DOCK2: variants seen among roughly 807,000 people sequenced by gnomAD.
DOCK2 encodes dedicator of cytokinesis 2, also known as dedicator of cytokinesis protein 2.
Under a neutral mutation model 248.9 loss-of-function variants are expected in DOCK2, and 87 were observed. The observed-to-expected ratio is 0.35, with a 90% CI of 0.29 to 0.42. The LOEUF (loss-of-function observed/expected upper bound fraction) is 0.42, where lower values mean the gene tolerates loss of function less well. Ranked by LOEUF, DOCK2 falls within the 10% of genes least tolerant of loss-of-function variation. The pLI is 1.00. For missense variants in DOCK2, 1,747 were observed against 2,300.2 expected (o/e 0.76, Z 4.92); for synonymous variants, 805 against 821.6 (o/e 0.98, Z 0.35).
At chr5:169,840,064 A>G (rs1265933148) in intron 26 of DOCK2, among the ~76,000 whole-genome samples, 1 of 152,182 alleles carries the variant, frequency 6.6e-6, no homozygotes, top group Non-Finnish European at 1.5e-5. Flanking sequence ...GTAATTTTTA[A>G]AGAAAAAAGG....
chr5:169,995,168 A>G (rs982980428), intron 29 of DOCK2, among the ~76,000 whole-genome samples: 2 of 151,742 alleles, frequency 1.3e-5, no homozygotes, highest in Non-Finnish European at 2.9e-5. Context: ...AGCTGGGATT[A>G]CTGGCGTGCA....
intron 27 of DOCK2, among the ~76,000 whole-genome samples, chr5:169,937,452 A>G (rs1776044188): frequency 2.0e-5 from 3 of 152,230 alleles, no homozygotes; most frequent in African/African-American, 4.8e-5. Context: ...GACTGTGAGA[A>G]TTAGGTAAGA....
intron 9 of DOCK2, among the ~76,000 whole-genome samples, chr5:169,691,141 T>A (rs923705412): frequency 6.6e-6 from 1 of 152,168 alleles, no homozygotes; most frequent in East Asian, 1.9e-4. Context: ...TTGTCCTATG[T>A]GACCAGAGCA....
intron 2 of DOCK2, among the ~76,000 whole-genome samples, chr5:169,668,803 CTATT>C (rs1403371945): frequency 6.6e-6 from 1 of 152,190 alleles, no homozygotes; most frequent in Admixed American, 6.5e-5. Flanking sequence ...ATTTTAGACA[CTATT>C]TGCTGCTGTT....
intron 27 of DOCK2, among the ~76,000 whole-genome samples, chr5:169,856,120 A>G (rs1442180925): frequency 6.6e-6 from 1 of 152,146 alleles, no homozygotes; most frequent in African/African-American, 2.4e-5. Context: ...ATCACCTCTC[A>G]CCAGGTCTCT....
chr5:169,893,989 C>A (rs760175898), intron 27 of DOCK2, among the ~76,000 whole-genome samples: 2 of 152,140 alleles, frequency 1.3e-5, no homozygotes, highest in African/African-American at 2.4e-5. Flanking sequence ...AAAGTCTTTC[C>A]ATTCTGAAGG....
intron 27 of DOCK2, among the ~76,000 whole-genome samples, chr5:169,873,102 T>C (rs1018298926): frequency 6.6e-6 from 1 of 152,268 alleles, no homozygotes; most frequent in African/African-American, 2.4e-5. Flanking sequence ...TTTATATTTA[T>C]GGCATGTGTC....
intron 27 of DOCK2, among the ~76,000 whole-genome samples, chr5:169,959,657 AC>A (rs756561301): frequency 2.6e-4 from 39 of 152,212 alleles, no homozygotes; most frequent in Non-Finnish European, 4.4e-4. Flanking sequence ...GGACTAAAGG[AC>A]TTTAGGGAGT....
intron 27 of DOCK2, among the ~76,000 whole-genome samples, chr5:169,979,573 C>T (rs1365582690): frequency 6.6e-6 from 1 of 152,136 alleles, no homozygotes; most frequent in African/African-American, 2.4e-5. Flanking sequence ...TCATTCACAT[C>T]GGTGTGATTT....
intron 8 of DOCK2, among the ~76,000 whole-genome samples, chr5:169,684,981 G>A (rs1581030903): frequency 1.3e-5 from 2 of 152,206 alleles, no homozygotes; most frequent in African/African-American, 4.8e-5. Flanking sequence ...GCTAAGAAAT[G>A]AATGCTCCAA....
chr5:169,641,792 G>T (rs1243817451), intron 1 of DOCK2, among the ~76,000 whole-genome samples: 3 of 152,112 alleles, frequency 2.0e-5, no homozygotes, highest in Non-Finnish European at 4.4e-5. Flanking sequence ...CACAGTGGTG[G>T]CCCCAGCATG....
chr5:169,707,121 A>G (rs933485984), intron 14 of DOCK2, among the ~76,000 whole-genome samples: 1 of 152,218 alleles, frequency 6.6e-6, no homozygotes, highest in Non-Finnish European at 1.5e-5. Context: ...TATAAAAACC[A>G]CACTTCGGGC....
intron 36 of DOCK2, among the ~76,000 whole-genome samples, chr5:170,039,116 G>A (rs1756423032): frequency 6.6e-6 from 1 of 152,192 alleles, no homozygotes; most frequent in Non-Finnish European, 1.5e-5. Context: ...CTGGATCTCA[G>A]TTTTCTCATC....
chr5:169,664,779 T>A (rs574160067), intron 2 of DOCK2, among the ~76,000 whole-genome samples: 1 of 152,202 alleles, frequency 6.6e-6, no homozygotes, highest in Non-Finnish European at 1.5e-5. Context: ...TCCTCTGACA[T>A]AAGGGGATTA....
At chr5:169,956,456 G>A (rs1776869763) in intron 27 of DOCK2, among the ~76,000 whole-genome samples, 1 of 152,204 alleles carries the variant, frequency 6.6e-6, no homozygotes, top group Admixed American at 6.5e-5. Context: ...GCGACTTTAA[G>A]CACAACAGGT....
chr5:169,874,410 C>CAAAAAAAAA (rs34525811), intron 27 of DOCK2, among the ~76,000 whole-genome samples: 1 of 72,032 alleles, frequency 1.4e-5, no homozygotes, highest in Non-Finnish European at 2.5e-5. Flanking sequence ...GACTCTGTCT[C>CAAAAAAAAA]AAAAAAAAAA....
rs2113862630 is a variant in DOCK2, at chr5:170,061,793, A to G, written c.4467+4127A>G. ...GTCTTAAAGCCTGAGTCTTTCAGAT[A>G]TGGCAGTCTATTGTTCAAATGCAGG... On this transcript the variant is annotated intron_variant, in intron 44 of 51. Transcript: ENST00000520908. 1.3e-5 allele frequency among the ~76,000 whole-genome samples: 2 copies of G among 152,306 alleles called. 1 individual carries two copies. The highest frequency in any genetic ancestry group is 4.8e-5 in the African/African-American group (2 of 41,564).
rs146319740 is a variant in DOCK2, at chr5:170,047,463, C to T, written c.3967-47C>T. 398 of 1,567,824 alleles carry T rather than the reference C, an allele frequency of 2.5e-4. 4 individuals are homozygous for T. In the East Asian group the frequency reaches 8.3e-3, roughly 33 times the overall value. On this transcript the variant is annotated intron_variant, in intron 39 of 51. Coordinates refer to ENST00000520908, the MANE Select transcript of DOCK2 (RefSeq NM_004946.3). ...CAAGGCCTCTTTGAGTTGAATGTGC[C>T]TTTGATACACATCTGTGTTGCAACA...
chr5:169,641,068 G>A (rs766209426), intron 1 of DOCK2, among the ~76,000 whole-genome samples: 2 of 152,152 alleles, frequency 1.3e-5, no homozygotes, highest in Non-Finnish European at 2.9e-5. Flanking sequence ...TGCCTTGATC[G>A]CTGCCTCCAA....
Sources: gnomAD v4.1 joint callset for allele counts (sites outside exome capture counted in the v4.1 genomes callset) on GRCh38, gnomAD v4.1.1 for gene constraint, MANE v1.5 for transcripts, NCBI Gene and HGNC (gene_info 2026-07-23, HGNC 2026-07-21) for gene names.